Variants in EHMT2 observed in about 807,000 individuals in gnomAD.
EHMT2 encodes euchromatic histone lysine methyltransferase 2, also known as histone-lysine N-methyltransferase EHMT2.
EHMT2 carries 59 observed loss-of-function variants against 143.3 expected under a neutral mutation model. The ratio of observed to expected loss-of-function variants is 0.41; its 90% confidence interval spans 0.33 to 0.51. The LOEUF (loss-of-function observed/expected upper bound fraction) is 0.51. Among genes scored for constraint, EHMT2 ranks in the 20% least tolerant of loss-of-function variants. The probability of loss-of-function intolerance (pLI) is 0.18; values close to 1 mark genes in which losing one functional copy is unlikely to be tolerated. For synonymous variants in EHMT2, 604 were observed against 651.5 expected (o/e 0.93, Z 1.11); for missense variants, 1,174 against 1,645.9 (o/e 0.71, Z 4.96).
In EHMT2 at chr6:31,884,269, G is replaced by T; in HGVS notation, c.2771+123C>A. 8.3e-7 allele frequency: 1 copy of T among 1,199,428 alleles called. No homozygotes were observed. Among genetic ancestry groups the T allele is most frequent in the Non-Finnish European group, 1.1e-6 (1 of 871,284 alleles). The allele number at this position is 1,199,428 out of a possible 1,614,324, so 74.3% of individuals were successfully genotyped here. ...CTAGTGGGGAGGGGGCCTGTGGGTG[G>T]TTCTGGGGATTCAGTGGTGCATGGG... On this transcript the variant is annotated intron_variant, in intron 21 of 27. Transcript: ENST00000375537. The surrounding 1 kb of genome is among the most constrained non-coding windows in gnomAD (Gnocchi z 7.3).
chr6:31,882,543 C>T (rs1381990393), intron 25 of EHMT2, 156 bp downstream of exon 25: 7 of 747,282 alleles, frequency 9.4e-6, no homozygotes, highest in Non-Finnish European at 1.6e-5. Flanking sequence ...GCTGGCTGCT[C>T]AGCTGCAGGA....
rs1264344919 is a variant in EHMT2 at position 31,889,028 on chromosome 6, T to G, written c.1157A>C (p.Glu386Ala). ...CAGCTCCAGGGACCCCAGAGGGACC[T>G]CCATGTACTCACTGGGGCCTGAGGA... The change falls in exon 10 of 28, where the codon GAG (glutamate) becomes GCG (alanine). Residue 386 changes from glutamate to alanine, a missense_variant. Glu to Ala is a moderately radical substitution (Grantham distance 107, BLOSUM62 -1). Around this residue, in one of 6 missense-constraint regions of EHMT2, gnomAD observed 608 missense variants for 903.7 expected, o/e 0.67. Coordinates refer to ENST00000375537, the Ensembl canonical transcript of EHMT2. The surrounding 1 kb of genome is among the most constrained non-coding windows in gnomAD (Gnocchi z 5.1). 1 of 1,604,158 alleles carries G rather than the reference T, an allele frequency of 6.2e-7. No homozygotes were observed. The highest frequency in any genetic ancestry group is 8.5e-7 in the Non-Finnish European group (1 of 1,176,936).
intron 7 of EHMT2, among the ~76,000 whole-genome samples, chr6:31,890,017 C>G (rs1172341635): frequency 6.6e-6 from 1 of 152,154 alleles, no homozygotes; most frequent in Non-Finnish European, 1.5e-5. Context: ...TTATCACTAA[C>G]AAGAAAAATG....
chr6:31,884,448 G>A lies in EHMT2; in HGVS notation c.2715C>T (p.Arg905=). 6.2e-7 allele frequency: 1 copy of A among 1,612,958 alleles called. No individual in the cohort carries two copies. Among genetic ancestry groups the A allele is most frequent in the South Asian group, 1.1e-5 (1 of 91,092 alleles). ...GATTTCCCACCCCAAGTCGGAGCTT[G>A]CGGTTGAGTTGAAGCGCAAACCACA... is the stretch of plus-strand genomic sequence containing the variant. Residue 905 remains arginine, a synonymous_variant, in exon 21 of 28, where the codon CGC becomes CGT. Transcript: ENST00000375537. The surrounding 1 kb of genome is among the most constrained non-coding windows in gnomAD (Gnocchi z 7.3).
chr6:31,884,049 G>A lies in EHMT2; in HGVS notation c.2772-99C>T. On this transcript the variant is annotated intron_variant, in intron 21 of 27. Transcript: ENST00000375537. The surrounding 1 kb of genome is among the most constrained non-coding windows in gnomAD (Gnocchi z 7.3). ...AGTTGGGGAGGTTCCTGGGGCTGGG[G>A]GCAGGGGAGTAAGGTTGCCAGGTAA... 1 of 1,389,574 alleles carries A rather than the reference G, an allele frequency of 7.2e-7. No individual in the cohort carries two copies. The highest frequency in any genetic ancestry group is 9.7e-7 in the Non-Finnish European group (1 of 1,026,622). 86.1% of individuals were successfully genotyped at this position (1,389,574 alleles called of 1,614,324 possible).
chr6:31,891,790 A>C (rs540402032), intron 7 of EHMT2, among the ~76,000 whole-genome samples: 1 of 152,378 alleles, frequency 6.6e-6, no homozygotes, highest in South Asian at 2.1e-4. Flanking sequence ...TGTTTTAAAA[A>C]AGTGCTTTCT....
intron 1 of EHMT2, chr6:31,897,192 A>C: frequency 1.6e-6 from 2 of 1,276,698 alleles, no homozygotes; most frequent in Non-Finnish European, 2.0e-6. Context: ...CCCTCTCGGT[A>C]GACCCCGCAT....
chr6:31,896,790 T>C (rs1241960612), exon 3 of EHMT2: 1 of 1,613,060 alleles, frequency 6.2e-7, no homozygotes, highest in Non-Finnish European at 8.5e-7. Flanking sequence ...GCAGGGTTTC[T>C]TCACTACGAG....
In EHMT2 at chr6:31,892,617, G is replaced by A. The variant is rs1248373997; in HGVS notation, c.709-55C>T. 5.6e-6 allele frequency: 9 copies of A among 1,612,616 alleles called. No individual in the cohort carries two copies. The Admixed American group carries it at 1.5e-4, about 27-fold the overall frequency. The stretch of plus-strand genomic sequence containing the variant: ...CTGACACCCTGCGCATTTCTACTGA[G>A]GATGGGATGCAGCCCCACCTCTGAC... On this transcript the variant is annotated intron_variant, in intron 6 of 27. Transcript: ENST00000375537.
In EHMT2 at chr6:31,884,689, G is replaced by C. The variant is rs1297564948; in HGVS notation, c.2559C>G (p.Thr853=). The C allele has an allele frequency of 1.6e-5, 25 of 1,585,546 alleles. No homozygotes were observed. The highest frequency in any genetic ancestry group is 2.1e-5 in the Non-Finnish European group (25 of 1,162,804). ...TCTCCCGAGCTGCGATGTGCAGGGG[G>C]GTGTCCCCATGGTAGTTGACAGCAT... Residue 853 remains threonine, a synonymous_variant, in exon 20 of 28, where the codon ACC becomes ACG. Coordinates refer to ENST00000375537, the Ensembl canonical transcript of EHMT2. The surrounding 1 kb of genome is among the most constrained non-coding windows in gnomAD (Gnocchi z 7.3).
exon 28 of EHMT2, chr6:31,879,842 G>GAGGC: frequency 1.9e-6 from 1 of 536,450 alleles, no homozygotes; most frequent in Non-Finnish European, 3.3e-6. Flanking sequence ...AACTTCAACT[G>GAGGC]AGGATGGGGA....
rs1182962191 is a variant in EHMT2 at position 31,883,567 on chromosome 6, T to A, written c.2917-128A>T. On this transcript the variant is annotated intron_variant, in intron 22 of 27. Transcript: ENST00000375537. The surrounding 1 kb of genome is among the most constrained non-coding windows in gnomAD (Gnocchi z 5.6). ...CATGTGTTACAACAGTGGGTGGTGA[T>A]GGTCCTAGGGTGACGGGTAATCAGT... 1 of 1,086,480 alleles carries A rather than the reference T, an allele frequency of 9.2e-7. No homozygotes were observed. The highest frequency in any genetic ancestry group is 1.4e-6 in the Non-Finnish European group (1 of 731,244). The allele number at this position is 1,086,480 out of a possible 1,614,324, so 67.3% of individuals were successfully genotyped here.
intron 4 of EHMT2, 138 bp from the exon 5 acceptor site, chr6:31,893,048 G>C (rs1765909804): frequency 1.7e-6 from 1 of 591,368 alleles, no homozygotes; most frequent in South Asian, 2.2e-5. Flanking sequence ...CCACAAACTG[G>C]CAACCACGGG....
At position 31,881,471 on chromosome 6, in the gene EHMT2, T is replaced by C. The variant is rs1764102890; in HGVS notation, c.3198-379A>G. On this transcript the variant is annotated intron_variant, in intron 25 of 27. Transcript: ENST00000375537. This position sits in a 1 kb window ranked among gnomAD's most constrained non-coding sequence, Gnocchi z 4.8. ...GCAGGAAGAGCCAGAGGTACAGGAG[T>C]GGCAAGGAACTCAAGGCATGATTCG... 3.0e-6 allele frequency: 1 copy of C among 330,926 alleles called. No homozygotes were observed. Among genetic ancestry groups the C allele is most frequent in the African/African-American group, 2.1e-5 (1 of 47,484 alleles). 20.5% of individuals were successfully genotyped at this position (330,926 alleles called of 1,614,324 possible). A position where few individuals can be genotyped will look rare whatever the true frequency, so the allele number is the denominator to read the frequency against.
At chr6:31,897,673 G>T (rs1173551425) in exon 1 of EHMT2, 1 of 1,137,918 alleles carries the variant, frequency 8.8e-7, no homozygotes, top group Non-Finnish European at 1.1e-6. Context: ...CGCCGCCGCC[G>T]CCATCGCCGC....
At position 31,888,707 on chromosome 6, in the gene EHMT2, C is replaced by A. The variant is rs1765250796; in HGVS notation, c.1257G>T (p.Gly419=). ...AGCTGCACAGGGGCAACTCCTCAAA[C>A]CCTCGCTCTGTCTCCAGCGAAGATG... Residue 419 remains glycine, a synonymous_variant, in exon 11 of 28, where the codon GGG becomes GGT. Transcript: ENST00000375537. This position sits in a 1 kb window ranked among gnomAD's most constrained non-coding sequence, Gnocchi z 7.4. The A allele has an allele frequency of 1.2e-6, 2 of 1,613,642 alleles. No individual in the cohort carries two copies. The highest frequency in any genetic ancestry group is 2.2e-5 in the East Asian group (1 of 44,892).
chr6:31,880,130 G>A lies in EHMT2; in HGVS notation c.3587C>T (p.Pro1196Leu). 2.5e-6 allele frequency: 4 copies of A among 1,612,982 alleles called. No homozygotes were observed. In the South Asian group the frequency reaches 4.4e-5, roughly 18 times the overall value. ...GGAGCCGAGCTCGGGCAGCAGCTCA[G>A]GGTGTGGGTCCAGGCGGGCCAGACG... The change falls in exon 28 of 28, where the codon CCT becomes CTT. Residue 1196 changes from proline to leucine, a missense_variant. Pro to Leu is a moderately conservative substitution (Grantham distance 98). Around this residue, in one of 6 missense-constraint regions of EHMT2, gnomAD observed 42 missense variants for 45.1 expected, o/e 0.93. Transcript: ENST00000375537. The surrounding 1 kb of genome is among the most constrained non-coding windows in gnomAD (Gnocchi z 6.6).
At chr6:31,890,290 C>T (rs1282162990) in intron 7 of EHMT2, among the ~76,000 whole-genome samples, 1 of 152,042 alleles carries the variant, frequency 6.6e-6, no homozygotes, top group Non-Finnish European at 1.5e-5. Context: ...GAGTTTTGCT[C>T]TTGTTGCCCA....
chr6:31,892,508 C>G, exon 7 of EHMT2: 1 of 1,612,986 alleles, frequency 6.2e-7, no homozygotes, highest in Non-Finnish European at 8.5e-7. Context: ...GACCCGGGGT[C>G]CCCTTTCGTC....
Sources: allele counts gnomAD v4.1 joint callset (sites outside exome capture counted in the v4.1 genomes callset), GRCh38; gene constraint gnomAD v4.1.1; regional missense constraint gnomAD v4.1.1; non-coding constraint Gnocchi (gnomAD v3.1); transcripts MANE v1.5; gene names NCBI Gene and HGNC (gene_info 2026-07-23, HGNC 2026-07-21).